The following INPP5A variants were observed in gnomAD, a reference collection of about 807,000 sequenced individuals.
INPP5A encodes inositol polyphosphate-5-phosphatase A.
In INPP5A, 14 loss-of-function variants were observed where a neutral mutation model predicts 65.2. The observed-to-expected ratio is 0.21, with a 90% CI of 0.14 to 0.34. The LOEUF is 0.34. Among genes scored for constraint, INPP5A ranks in the 10% least tolerant of loss-of-function variants. The pLI is 1.00. For synonymous variants in INPP5A, 207 were observed against 208.3 expected, an observed-to-expected ratio of 0.99 and a Z score of 0.05; for missense variants, 431 against 545.6, an observed-to-expected ratio of 0.79 and a Z score of 2.09.
chr10:132,708,581 C>T, intron 7 of INPP5A: 1 of 684,178 alleles, frequency 1.5e-6, no homozygotes, highest in Non-Finnish European at 2.7e-6. Context: ...CATCTGGGTG[C>T]CCAGTGCCAA....
At chr10:132,713,362 G>C (rs1454100070) in intron 8 of INPP5A, among the ~76,000 whole-genome samples, 1 of 152,030 alleles carries the variant, frequency 6.6e-6, no homozygotes, top group East Asian at 1.9e-4. Context: ...GGAGCTGATG[G>C]GGCCCCTCCT....
rs981571876 is a variant in INPP5A at position 132,589,971 on chromosome 10, A to G, written c.76-17944A>G. 3.1e-4 allele frequency among the ~76,000 whole-genome samples: 47 copies of G among 152,216 alleles called. 1 individual carries two copies. Among genetic ancestry groups the G allele is most frequent in the Non-Finnish European group, 1.3e-4 (9 of 68,018 alleles). Reference sequence around the variant, plus strand: ...CGTGGTGGGAGGGCACCGATGTGCAATGCCATGCCAGGCCTCGGGGAGCCC... The same window carrying G: ...CGTGGTGGGAGGGCACCGATGTGCAGTGCCATGCCAGGCCTCGGGGAGCCC... On this transcript the variant is annotated intron_variant, in intron 1 of 15. Transcript: ENST00000368594.
intron 1 of INPP5A, among the ~76,000 whole-genome samples, chr10:132,596,896 GGCTCCTGT>G (rs2071700404): frequency 1.5e-5 from 2 of 129,512 alleles, no homozygotes; most frequent in African/African-American, 6.4e-5. Flanking sequence ...TGTGTTTGGA[GGCTCCTGT>G]GCATGTGTGC....
chr10:132,746,941 T>G (rs972903318), intron 9 of INPP5A, among the ~76,000 whole-genome samples: 1 of 152,224 alleles, frequency 6.6e-6, no homozygotes, highest in African/African-American at 2.4e-5. Flanking sequence ...AGCCTGTGAA[T>G]GAGGCAGCTC....
intron 4 of INPP5A, among the ~76,000 whole-genome samples, chr10:132,688,833 T>C (rs1413568410): frequency 6.8e-6 from 1 of 147,492 alleles, no homozygotes; most frequent in Non-Finnish European, 1.5e-5. Flanking sequence ...TGAGTGCAAG[T>C]GTAAGTGTGC....
intron 4 of INPP5A, among the ~76,000 whole-genome samples, chr10:132,656,925 C>T (rs1394804172): frequency 1.3e-5 from 2 of 152,194 alleles, no homozygotes; most frequent in Non-Finnish European, 2.9e-5. Context: ...AGTCTCTGGG[C>T]AGACAGCAGC....
chr10:132,769,148 G>A (rs758797791), intron 12 of INPP5A, among the ~76,000 whole-genome samples: 17 of 152,262 alleles, frequency 1.1e-4, no homozygotes, highest in Non-Finnish European at 2.1e-4. Flanking sequence ...CTGCAAAGGT[G>A]TTTGCCACTG....
At chr10:132,728,338 C>T (rs1055766533) in intron 9 of INPP5A, among the ~76,000 whole-genome samples, 64 of 152,360 alleles carry the variant, frequency 4.2e-4, no homozygotes, top group African/African-American at 1.4e-3. Context: ...TCAAATGGAT[C>T]GGTCTCTGGC....
intron 2 of INPP5A, among the ~76,000 whole-genome samples, chr10:132,634,122 C>T (rs1055517167): frequency 4.6e-5 from 7 of 152,240 alleles, no homozygotes; most frequent in Non-Finnish European, 8.8e-5. Context: ...TAGATGTTCT[C>T]AGTTGTCTCA....
chr10:132,605,622 C>A (rs1403654934), intron 1 of INPP5A, among the ~76,000 whole-genome samples: 1 of 151,978 alleles, frequency 6.6e-6, no homozygotes, highest in Non-Finnish European at 1.5e-5. Context: ...GCCCTGGGAG[C>A]TTCCAAGCTG....
intron 4 of INPP5A, among the ~76,000 whole-genome samples, chr10:132,656,108 A>G (rs2072653741): frequency 6.6e-6 from 1 of 152,246 alleles, no homozygotes; most frequent in African/African-American, 2.4e-5. Flanking sequence ...GCTGGGGCCC[A>G]TGCCCAGGAC....
intron 4 of INPP5A, among the ~76,000 whole-genome samples, chr10:132,672,286 G>A (rs1347317861): frequency 1.3e-5 from 2 of 152,170 alleles, no homozygotes; most frequent in Non-Finnish European, 2.9e-5. Context: ...TTGGGTTGGC[G>A]ATTGGTTTTG....
At chr10:132,600,615 C>G (rs916230636) in intron 1 of INPP5A, among the ~76,000 whole-genome samples, 1 of 152,286 alleles carries the variant, frequency 6.6e-6, no homozygotes, top group African/African-American at 2.4e-5. Flanking sequence ...TCAGCAATAC[C>G]CCACTCCTGG....
intron 2 of INPP5A, among the ~76,000 whole-genome samples, chr10:132,632,931 C>T (rs542668656): frequency 7.9e-5 from 12 of 152,302 alleles, no homozygotes; most frequent in Admixed American, 2.6e-4. Flanking sequence ...TTGGCCATGG[C>T]GGGGCATTCA....
chr10:132,563,416 T>C (rs1396915278), intron 1 of INPP5A, among the ~76,000 whole-genome samples: 1 of 152,214 alleles, frequency 6.6e-6, no homozygotes, highest in Non-Finnish European at 1.5e-5. Context: ...GAGCACCAGC[T>C]GTGATTAAAT....
intron 4 of INPP5A, among the ~76,000 whole-genome samples, chr10:132,688,630 C>A (rs7918121): frequency 2.7e-5 from 4 of 150,840 alleles, no homozygotes; most frequent in African/African-American, 7.3e-5. Flanking sequence ...TGAGCAAGTG[C>A]GTGCGTGTGC....
chr10:132,593,032 C>G (rs1274135062), intron 1 of INPP5A, among the ~76,000 whole-genome samples: 5 of 152,234 alleles, frequency 3.3e-5, no homozygotes, highest in South Asian at 2.1e-4. Context: ...TTGTAGGACT[C>G]ACAGCTTCTT....
At position 132,723,497 on chromosome 10, in the gene INPP5A, GTGTGGGGATTGGCCA is replaced by G. The variant is rs1564984348; in HGVS notation, c.648-3294_648-3280del. ...GGGATTGGCCGTGTGGGGATTGGCC[GTGTGGGGATTGGCCA>G]TGTGGGGATTGGCCATGTGGGGATT... On this transcript the variant is annotated intron_variant, in intron 8 of 15. Coordinates refer to ENST00000368594, the MANE Select transcript of INPP5A (RefSeq NM_005539.5). Among the ~76,000 whole-genome samples the G allele has an allele frequency of 1.1e-3, 141 of 127,204 alleles. 2 individuals are homozygous for G. Among genetic ancestry groups the G allele is most frequent in the African/African-American group, 2.5e-3 (68 of 26,910 alleles). The allele number at this position is 127,204 out of a possible 152,430, so 83.5% of individuals were successfully genotyped here. A position where few individuals can be genotyped will look rare whatever the true frequency, so the allele number is the denominator to read the frequency against.
chr10:132,630,781 G>C (rs1189601249), intron 2 of INPP5A, among the ~76,000 whole-genome samples: 1 of 150,890 alleles, frequency 6.6e-6, no homozygotes, highest in African/African-American at 2.5e-5. Flanking sequence ...CCTGTGCGGT[G>C]GTGGGGGCCG....
Sources: allele counts gnomAD v4.1 joint callset (sites outside exome capture counted in the v4.1 genomes callset), GRCh38; gene constraint gnomAD v4.1.1; transcripts MANE v1.5; gene names NCBI Gene and HGNC (gene_info 2026-07-23, HGNC 2026-07-21).